PEX3: variants seen among roughly 807,000 people sequenced by gnomAD.
PEX3 encodes the protein peroxisomal biogenesis factor 3.
In PEX3, 30 loss-of-function variants were observed where a neutral mutation model predicts 55.8. The observed-to-expected ratio is 0.54, with a 90% CI of 0.40 to 0.73. PEX3 has a LOEUF of 0.73. Ranked by LOEUF, PEX3 falls within the 30% of genes least tolerant of loss-of-function variation. The pLI is 0.00. For missense variants in PEX3, 351 were observed against 432.8 expected, an observed-to-expected ratio of 0.81 and a Z score of 1.68; for synonymous variants, 135 against 148.4, an observed-to-expected ratio of 0.91 and a Z score of 0.66.
rs1779945694 is a variant in PEX3 at position 143,462,968 on chromosome 6, C to T, written c.258C>T (p.Ser86=). 9 of 1,613,648 alleles carry T rather than the reference C, an allele frequency of 5.6e-6. No individual in the cohort carries two copies. Among genetic ancestry groups the T allele is most frequent in the East Asian group, 2.2e-5 (1 of 44,870 alleles). ...AGGCCTTAATGCAGCAACTGAATTC[C>T]GAGAGCCTCACAGCTCTGCTAAAAA... ...LREALMQQLN[S]ESLTALLKNR... Residue 86 remains serine (S), a synonymous_variant, in exon 3 of 12, where the codon TCC becomes TCT. Transcript: ENST00000367591. This position sits in a 1 kb window ranked among gnomAD's most constrained non-coding sequence, Gnocchi z 4.1.
rs1488515106 is a variant in PEX3, at chr6:143,486,353, T to G, written c.1038+1105T>G. Among the ~76,000 whole-genome samples, 1 of 152,122 alleles carries G rather than the reference T, an allele frequency of 6.6e-6. No individual in the cohort carries two copies. The highest frequency in any genetic ancestry group is 1.5e-5 in the Non-Finnish European group (1 of 68,014). Reference sequence around the variant, plus strand: ...CTGGCTTGGCCAGTAGGCTGTTCATTTTGACAGATGAGTGGAAATTACAAC... The same window carrying G: ...CTGGCTTGGCCAGTAGGCTGTTCATGTTGACAGATGAGTGGAAATTACAAC... On this transcript the variant is annotated intron_variant, in intron 11 of 11. Transcript: ENST00000367591. The surrounding 1 kb of genome is among the most constrained non-coding windows in gnomAD (Gnocchi z 5.0).
chr6:143,481,551 A>G (rs765116264), intron 10 of PEX3, among the ~76,000 whole-genome samples: 2 of 152,132 alleles, frequency 1.3e-5, no homozygotes, highest in Non-Finnish European at 2.9e-5. Flanking sequence ...ATTAAGGTTT[A>G]AGAATGTAAG....
rs1007495315 is a variant in PEX3, at chr6:143,486,269, G to A, written c.1038+1021G>A. 6.6e-6 allele frequency among the ~76,000 whole-genome samples: 1 copy of A among 152,092 alleles called. No homozygotes were observed. Among genetic ancestry groups the A allele is most frequent in the Admixed American group, 6.6e-5 (1 of 15,248 alleles). ...CACATCTATATCAATGTGAGAAAAA[G>A]GTCATAACTTGGGGCATTTAAACCT... On this transcript the variant is annotated intron_variant, in intron 11 of 11. Transcript: ENST00000367591. The surrounding 1 kb of genome is among the most constrained non-coding windows in gnomAD (Gnocchi z 5.0).
chr6:143,463,057 C>A lies in PEX3; in HGVS notation c.287+60C>A. 1.7e-6 allele frequency: 2 copies of A among 1,211,478 alleles called. No homozygotes were observed. Among genetic ancestry groups the A allele is most frequent in the Non-Finnish European group, 2.4e-6 (2 of 819,100 alleles). 75.0% of individuals were successfully genotyped at this position (1,211,478 alleles called of 1,614,324 possible). A position where few individuals can be genotyped will look rare whatever the true frequency, so the allele number is the denominator to read the frequency against. On this transcript the variant is annotated intron_variant, in intron 3 of 11. Transcript: ENST00000367591. The surrounding 1 kb of genome is among the most constrained non-coding windows in gnomAD (Gnocchi z 5.7). ...CTACACTTAAAGTTTATAGAATGAA[C>A]TGATAGACTTTTCAAAAATCTTTGT... is the stretch of plus-strand genomic sequence containing the variant.
In PEX3 at chr6:143,489,375, T is replaced by G. The variant is rs111975241; in HGVS notation, c.*149T>G. Reference sequence around the variant, plus strand: ...GTCTTCATTTCATAATGAAATCAATTTATTTGGCATCTTAATATATTTTTT... The same window carrying G: ...GTCTTCATTTCATAATGAAATCAATGTATTTGGCATCTTAATATATTTTTT... On this transcript the variant is annotated 3_prime_UTR_variant, in exon 12 of 12. Coordinates refer to ENST00000367591, the MANE Select transcript of PEX3 (RefSeq NM_003630.3). The surrounding 1 kb of genome is among the most constrained non-coding windows in gnomAD (Gnocchi z 5.5). 6.9e-5 allele frequency: 42 copies of G among 605,108 alleles called. No individual in the cohort carries two copies. The African/African-American group carries it at 7.5e-4, about 11-fold the overall frequency. 37.5% of individuals were successfully genotyped at this position (605,108 alleles called of 1,614,324 possible).
chr6:143,471,360 A>G lies in PEX3; in HGVS notation c.457-23A>G, dbSNP rs754766387. 1 of 1,529,094 alleles carries G rather than the reference A, an allele frequency of 6.5e-7. No individual in the cohort carries two copies. The allele number at this position is 1,529,094 out of a possible 1,614,324, so 94.7% of individuals were successfully genotyped here. A position where few individuals can be genotyped will look rare whatever the true frequency, so the allele number is the denominator to read the frequency against. ...TACCAGTTTAAAACTTGGATAATTG[A>G]ACTGTATTTCTGTTTTATACAGACA... is the stretch of plus-strand genomic sequence containing the variant. On this transcript the variant is annotated intron_variant, in intron 5 of 11. Coordinates refer to ENST00000367591, the MANE Select transcript of PEX3 (RefSeq NM_003630.3). The surrounding 1 kb of genome is among the most constrained non-coding windows in gnomAD (Gnocchi z 5.4).
intron 8 of PEX3, 161 bp downstream of exon 8, chr6:143,472,489 A>T (rs571794124): frequency 1.6e-6 from 1 of 632,368 alleles, no homozygotes; most frequent in African/African-American, 1.8e-5. Flanking sequence ...AACAGCCATT[A>T]TGAGTGATTT....
Position 143,476,699 on chromosome 6 carries a change from A to G in PEX3, c.818+1843A>G, listed in dbSNP as rs1780158313. Among the ~76,000 whole-genome samples the G allele has an allele frequency of 2.0e-5, 3 of 152,228 alleles. No homozygotes were observed. The highest frequency in any genetic ancestry group is 4.1e-4 in the South Asian group (2 of 4,830). On this transcript the variant is annotated intron_variant, in intron 9 of 11. Transcript: ENST00000367591. The surrounding 1 kb of genome is among the most constrained non-coding windows in gnomAD (Gnocchi z 5.4). The stretch of plus-strand genomic sequence containing the variant: ...GTATTGGGGCTGAGCATTTGAGGAA[A>G]TAGGAACTGCCATTTACATTTTGGC...
intron 4 of PEX3, among the ~76,000 whole-genome samples, chr6:143,468,648 G>A (rs540236007): frequency 1.3e-5 from 2 of 152,056 alleles, no homozygotes; most frequent in South Asian, 4.2e-4. Flanking sequence ...GTTTTTTGTT[G>A]TTGTTGTTGT....
Position 143,485,294 on chromosome 6 carries a change from T to C in PEX3, c.1038+46T>C, listed in dbSNP as rs369509997. ...TGTTATTAAAAGCAAATTATATTTGTGGTGGTGGTCATGTTTGTCTAACAT... is the reference window on the plus strand; with the variant it reads ...TGTTATTAAAAGCAAATTATATTTGCGGTGGTGGTCATGTTTGTCTAACAT... On this transcript the variant is annotated intron_variant, in intron 11 of 11. Coordinates refer to ENST00000367591, the MANE Select transcript of PEX3 (RefSeq NM_003630.3). The surrounding 1 kb of genome is among the most constrained non-coding windows in gnomAD (Gnocchi z 5.6). The C allele has an allele frequency of 3.9e-6, 4 of 1,015,922 alleles. No individual in the cohort carries two copies. In the African/African-American group the frequency reaches 6.3e-5, roughly 16 times the overall value. 62.9% of individuals were successfully genotyped at this position (1,015,922 alleles called of 1,614,324 possible). A position where few individuals can be genotyped will look rare whatever the true frequency, so the allele number is the denominator to read the frequency against.
In PEX3 at chr6:143,471,332, A is replaced by G. The variant is rs1355278414; in HGVS notation, c.457-51A>G. ...CAAAGTTTTATTGAAAACATTTCTTATTTACCAGTTTAAAACTTGGATAAT... is the reference window on the plus strand; with the variant it reads ...CAAAGTTTTATTGAAAACATTTCTTGTTTACCAGTTTAAAACTTGGATAAT... On this transcript the variant is annotated intron_variant, in intron 5 of 11. Coordinates refer to ENST00000367591, the MANE Select transcript of PEX3 (RefSeq NM_003630.3). The surrounding 1 kb of genome is among the most constrained non-coding windows in gnomAD (Gnocchi z 5.4). 2 of 1,328,856 alleles carry G rather than the reference A, an allele frequency of 1.5e-6. No homozygotes were observed. The highest frequency in any genetic ancestry group is 2.4e-5 in the South Asian group (2 of 82,160). The allele number at this position is 1,328,856 out of a possible 1,614,324, so 82.3% of individuals were successfully genotyped here. A position where few individuals can be genotyped will look rare whatever the true frequency, so the allele number is the denominator to read the frequency against.
In PEX3 at chr6:143,489,311, T is replaced by C; in HGVS notation, c.*85T>C. On this transcript the variant is annotated 3_prime_UTR_variant, in exon 12 of 12. Transcript: ENST00000367591. The surrounding 1 kb of genome is among the most constrained non-coding windows in gnomAD (Gnocchi z 5.5). ...ATCACCTATACTTAGAGTAACAGTT[T>C]GTTATCAAAATGCCTGATAAAATAT... 1.3e-6 allele frequency: 1 copy of C among 785,590 alleles called. No individual in the cohort carries two copies. The highest frequency in any genetic ancestry group is 1.4e-5 in the South Asian group (1 of 71,498). 48.7% of individuals were successfully genotyped at this position (785,590 alleles called of 1,614,324 possible).
rs1780303263 is a variant in PEX3 at position 143,485,329 on chromosome 6, T to A, written c.1038+81T>A. 4 of 843,036 alleles carry A rather than the reference T, an allele frequency of 4.7e-6. No homozygotes were observed. Among genetic ancestry groups the A allele is most frequent in the South Asian group, 1.3e-5 (1 of 75,406 alleles). The allele number at this position is 843,036 out of a possible 1,614,324, so 52.2% of individuals were successfully genotyped here. On this transcript the variant is annotated intron_variant, in intron 11 of 11. Coordinates refer to ENST00000367591, the MANE Select transcript of PEX3 (RefSeq NM_003630.3). The surrounding 1 kb of genome is among the most constrained non-coding windows in gnomAD (Gnocchi z 5.6). Reference sequence around the variant, plus strand: ...CATGTTTGTCTAACATAAAGTTACATTCTCTGCTGAGAGGTTTTTTCAAAA... The same window carrying A: ...CATGTTTGTCTAACATAAAGTTACAATCTCTGCTGAGAGGTTTTTTCAAAA...
At position 143,488,745 on chromosome 6, in the gene PEX3, CAT is replaced by C. The variant is rs1202275988; in HGVS notation, c.1039-395_1039-394del. Among the ~76,000 whole-genome samples the C allele has an allele frequency of 6.6e-6, 1 of 152,078 alleles. No homozygotes were observed. The highest frequency in any genetic ancestry group is 1.5e-5 in the Non-Finnish European group (1 of 67,956). ...ATATGTAAAATATGCACTTACTACA[CAT>C]ATTCATACCGTATGTTAGATCTTCT... On this transcript the variant is annotated intron_variant, in intron 11 of 11. Coordinates refer to ENST00000367591, the MANE Select transcript of PEX3 (RefSeq NM_003630.3). The surrounding 1 kb of genome is among the most constrained non-coding windows in gnomAD (Gnocchi z 4.9).
At position 143,488,532 on chromosome 6, in the gene PEX3, A is replaced by G. The variant is rs1780347703; in HGVS notation, c.1039-611A>G. ...TGCCTATGATTTCTATTGAAGACAA[A>G]GTCATACAACCTGCTAATATTATCA... On this transcript the variant is annotated intron_variant, in intron 11 of 11. Transcript: ENST00000367591. This position sits in a 1 kb window ranked among gnomAD's most constrained non-coding sequence, Gnocchi z 4.9. Among the ~76,000 whole-genome samples, 1 of 152,142 alleles carries G rather than the reference A, an allele frequency of 6.6e-6. No individual in the cohort carries two copies. The highest frequency in any genetic ancestry group is 1.5e-5 in the Non-Finnish European group (1 of 67,974).
At chr6:143,477,527 CTGAGGATAGGTCAGATGCA>C (rs903932343) in intron 9 of PEX3, among the ~76,000 whole-genome samples, 2 of 152,044 alleles carry the variant, frequency 1.3e-5, no homozygotes, top group Admixed American at 1.3e-4. Context: ...GTAGGGATGG[CTGAGGATAGGTCAGATGCA>C]TGTAAGTGGG....
Position 143,450,812 on chromosome 6 carries a change from G to GGCGGCGGCTGC in PEX3, c.-222_-212dup. ...ACCTGGGCTTGTCGGACCAGTGAGC[G>GGCGGCGGCTGC]GCGGCGGCTGCGCGGCGGCAGCGGC... is the stretch of plus-strand genomic sequence containing the variant. On this transcript the variant is annotated 5_prime_UTR_variant, in exon 1 of 12. Transcript: ENST00000367591. 6 of 833,238 alleles carry GGCGGCGGCTGC rather than the reference G, an allele frequency of 7.2e-6. No homozygotes were observed. The highest frequency in any genetic ancestry group is 2.6e-5 in the East Asian group (1 of 38,830). 51.6% of individuals were successfully genotyped at this position (833,238 alleles called of 1,614,324 possible).
At chr6:143,467,095 G>A (rs1780002432) in intron 3 of PEX3, among the ~76,000 whole-genome samples, 1 of 151,912 alleles carries the variant, frequency 6.6e-6, no homozygotes, top group African/African-American at 2.4e-5. Flanking sequence ...TCCTTAGTAG[G>A]ATATATACTC....
intron 2 of PEX3, among the ~76,000 whole-genome samples, chr6:143,461,048 G>A (rs1779911482): frequency 6.6e-6 from 1 of 152,002 alleles, no homozygotes; most frequent in Non-Finnish European, 1.5e-5. Context: ...GGCAGAAGAA[G>A]GCAAGCGAAG....
Sources: gnomAD v4.1 joint callset for allele counts (sites outside exome capture counted in the v4.1 genomes callset) on GRCh38, gnomAD v4.1.1 for gene constraint, Gnocchi (gnomAD v3.1) non-coding constraint, MANE v1.5 for transcripts, NCBI Gene and HGNC (gene_info 2026-07-23, HGNC 2026-07-21) for gene names.